The following LRRK1 variants were observed in gnomAD, a reference collection of about 807,000 sequenced individuals.
LRRK1 encodes the protein leucine rich repeat kinase 1, also known as leucine-rich repeat serine/threonine-protein kinase 1.
Under a neutral mutation model 209.1 loss-of-function variants are expected in LRRK1, and 113 were observed. The observed-to-expected ratio is 0.54, with a 90% CI of 0.46 to 0.63. LRRK1 has a LOEUF of 0.63. Among genes scored for constraint, LRRK1 ranks in the 30% least tolerant of loss-of-function variants. LRRK1 has a pLI of 0.00. For missense variants in LRRK1, 2,284 were observed against 2,632.2 expected (o/e 0.87, Z 2.89); for synonymous variants, 1,144 against 1,099.7 (o/e 1.04, Z -0.80).
chr15:101,064,877 T>TGGG lies in LRRK1; in HGVS notation c.4915-469_4915-467dup, dbSNP rs3840841. On this transcript the variant is annotated intron_variant, in intron 31 of 33. Coordinates refer to ENST00000388948, the MANE Select transcript of LRRK1 (RefSeq NM_024652.6). ...CATCCTTATGGAACACTCTGCCTGG[T>TGGG]GGGGGGGGTGGCAGGCAGGGGGCAG... is the stretch of plus-strand genomic sequence containing the variant. 2.2e-3 allele frequency: 361 copies of TGGG among 161,276 alleles called. 2 individuals carry two copies. Among genetic ancestry groups the TGGG allele is most frequent in the Admixed American group, 1.0e-2 (172 of 17,224 alleles). 10.0% of individuals were successfully genotyped at this position (161,276 alleles called of 1,614,324 possible).
chr15:101,051,712 CCT>C lies in LRRK1; in HGVS notation c.3442_3443del (p.Leu1148AspfsTer32). On this transcript the variant is annotated frameshift_variant and splice_region_variant, in exon 24 of 34. Coordinates refer to ENST00000388948, the MANE Select transcript of LRRK1 (RefSeq NM_024652.6). LOFTEE classifies it high-confidence loss of function. Reference protein sequence around the residue: ...NSLIDQWFPALTATESDGTPL... With the variant: ...NSLIDQWFPAXTATESDGTPL... ...GTCTCCTGCTCTGTCCTTATTTAGC[CCT>C]GACAGCCACAGAGAGCGACGGGACG... The C allele has an allele frequency of 6.2e-7, 1 of 1,613,496 alleles. No homozygotes were observed. Among genetic ancestry groups the C allele is most frequent in the African/African-American group, 1.3e-5 (1 of 75,034 alleles).
At position 101,054,857 on chromosome 15, in the gene LRRK1, G is replaced by A. The variant is rs777986104; in HGVS notation, c.4055-89G>A. The A allele has an allele frequency of 9.6e-6, 11 of 1,145,934 alleles. No homozygotes were observed. The South Asian group carries it at 1.2e-4, about 13-fold the overall frequency. 71.0% of individuals were successfully genotyped at this position (1,145,934 alleles called of 1,614,324 possible). A position where few individuals can be genotyped will look rare whatever the true frequency, so the allele number is the denominator to read the frequency against. On this transcript the variant is annotated intron_variant, in intron 26 of 33. Transcript: ENST00000388948. ...AAATCATAAAGTATCTAGGGAGATC[G>A]GAAGACAAAAAGACAGTTGTTATCA... is the stretch of plus-strand genomic sequence containing the variant.
intron 13 of LRRK1, 87 bp from the exon 14 acceptor site, chr15:101,021,758 C>T (rs1419106256): frequency 5.3e-6 from 5 of 936,676 alleles, no homozygotes; most frequent in Non-Finnish European, 8.3e-6. Context: ...CAGAGGCTGA[C>T]AGGAGCCACG....
chr15:101,066,853 A>G, intron 33 of LRRK1, 112 bp downstream of exon 33: 2 of 971,706 alleles, frequency 2.1e-6, no homozygotes, highest in Non-Finnish European at 3.2e-6. Flanking sequence ...CCCAAATAGC[A>G]TAGCCACTAA....
intron 20 of LRRK1, among the ~76,000 whole-genome samples, chr15:101,033,642 G>T (rs554270715): frequency 1.3e-5 from 2 of 152,144 alleles, no homozygotes; most frequent in South Asian, 4.2e-4. Context: ...TTGTGTATAT[G>T]GACCTTTCTT....
rs2141144473 is a variant in LRRK1, at chr15:101,057,010, A to G, written c.4487A>G (p.Gln1496Arg). 1 of 1,613,538 alleles carries G rather than the reference A, an allele frequency of 6.2e-7. No individual in the cohort carries two copies. The highest frequency in any genetic ancestry group is 2.2e-5 in the East Asian group (1 of 44,846). ...QPEEVQFRRL[Q>R]ALMMECWDTK... Reference sequence around the variant, plus strand: ...GAGGAAGTGCAGTTCCGGCGACTGCAGGCGCTCATGATGGAGTGCTGGGAC... The same window carrying G: ...GAGGAAGTGCAGTTCCGGCGACTGCGGGCGCTCATGATGGAGTGCTGGGAC... The change falls in exon 28 of 34, where the codon CAG becomes CGG. Residue 1496 changes from glutamine (Q) to arginine (R), a missense_variant. Coordinates refer to ENST00000388948, the MANE Select transcript of LRRK1 (RefSeq NM_024652.6).
chr15:100,961,707 G>A (rs1467697345), intron 2 of LRRK1, among the ~76,000 whole-genome samples: 1 of 151,672 alleles, frequency 6.6e-6, no homozygotes. Context: ...AGCAGAGGAT[G>A]AGCTTTGATG....
At chr15:101,028,143 C>G (rs371332360) in intron 19 of LRRK1, among the ~76,000 whole-genome samples, 2 of 152,184 alleles carry the variant, frequency 1.3e-5, no homozygotes, top group African/African-American at 4.8e-5. Flanking sequence ...AAAGTCACCG[C>G]GATCACTGAA....
At chr15:100,962,810 T>TAC (rs2030108747) in intron 2 of LRRK1, among the ~76,000 whole-genome samples, 4 of 30,218 alleles carry the variant, frequency 1.3e-4, no homozygotes, top group African/African-American at 4.2e-4. Flanking sequence ...TATATATATA[T>TAC]ATATATATAT....
At position 101,061,333 on chromosome 15, in the gene LRRK1, ACTGGGTGCAGCC is replaced by A. The variant is rs1200731529; in HGVS notation, c.4797+53_4797+64del. 6.5e-6 allele frequency: 9 copies of A among 1,375,228 alleles called. No individual in the cohort carries two copies. In the African/African-American group the frequency reaches 8.5e-5, roughly 13 times the overall value. 85.2% of individuals were successfully genotyped at this position (1,375,228 alleles called of 1,614,324 possible). A position where few individuals can be genotyped will look rare whatever the true frequency, so the allele number is the denominator to read the frequency against. ...CTGCCCACCGAGGTAAGCACTGCCC[ACTGGGTGCAGCC>A]CTGGGTGGGGGCCACATTCATAAAA... On this transcript the variant is annotated intron_variant, in intron 30 of 33. Coordinates refer to ENST00000388948, the MANE Select transcript of LRRK1 (RefSeq NM_024652.6).
At chr15:101,014,560 A>G in intron 11 of LRRK1, 132 bp downstream of exon 11, 1 of 677,666 alleles carries the variant, frequency 1.5e-6, no homozygotes, top group Non-Finnish European at 2.6e-6. Flanking sequence ...AACAACAGAA[A>G]TCACTGCCTC....
chr15:100,991,569 C>G (rs1011896105), intron 6 of LRRK1, among the ~76,000 whole-genome samples: 8 of 152,096 alleles, frequency 5.3e-5, no homozygotes, highest in Non-Finnish European at 1.0e-4. Context: ...TCTGTTTTAT[C>G]CAGTTCCTTT....
At position 101,062,683 on chromosome 15, in the gene LRRK1, T is replaced by C. The variant is rs932536919; in HGVS notation, c.4907T>C (p.Ile1636Thr). The change falls in exon 31 of 34, where the codon ATT becomes ACT. Residue 1636 changes from isoleucine (I) to threonine (T), a missense_variant. Ile to Thr is a moderately conservative substitution (Grantham distance 89). Around this residue, in one of 6 missense-constraint regions of LRRK1, gnomAD observed 643 missense variants for 695.9 expected, o/e 0.92. Transcript: ENST00000388948. The stretch of plus-strand genomic sequence containing the variant: ...ACCTGCTTCTTGGCCGTGCCTGTTA[T>C]TAAAAAGGTGAGGTCGGGGCAAAGG... ...VVTCFLAVPV[I>T]KKNSYLVLAG... is the part of the protein sequence containing the mutation. The C allele has an allele frequency of 1.9e-6, 3 of 1,612,062 alleles. No homozygotes were observed. In the African/African-American group the frequency reaches 4.0e-5, roughly 22 times the overall value.
At position 101,010,427 on chromosome 15, in the gene LRRK1, GCCTT is replaced by G; in HGVS notation, c.990-17_990-14del. Reference sequence around the variant, plus strand: ...GTTTTCCCTCTTTATTCTGATGCCTGCCTTCCTTCTTCTCCATCGCAGGCTACTT... The same window carrying G: ...GTTTTCCCTCTTTATTCTGATGCCTGCCTTCTTCTCCATCGCAGGCTACTT... On this transcript the variant is annotated intron_variant, in intron 7 of 33. Transcript: ENST00000388948. 6.3e-7 allele frequency: 1 copy of G among 1,597,846 alleles called. No individual in the cohort carries two copies. The highest frequency in any genetic ancestry group is 8.5e-7 in the Non-Finnish European group (1 of 1,175,088).
At position 101,070,438 on chromosome 15, in the gene LRRK1, A is replaced by G. The variant is rs1596370358; in HGVS notation, c.*1590A>G. ...CCCACAGCAGGGTCTCAGGAGTCCC[A>G]CTCTCCCTCTCCTCTCATTCCAGTG... On this transcript the variant is annotated 3_prime_UTR_variant, in exon 34 of 34. Transcript: ENST00000388948. The G allele has an allele frequency of 7.0e-6, 1 of 143,066 alleles. No individual in the cohort carries two copies. The highest frequency in any genetic ancestry group is 2.7e-5 in the African/African-American group (1 of 37,732). The allele number at this position is 143,066 out of a possible 1,614,324, so 8.9% of individuals were successfully genotyped here.
chr15:101,011,982 ATT>A, intron 9 of LRRK1, 24 bp from the exon 10 acceptor site: 1 of 1,517,402 alleles, frequency 6.6e-7, no homozygotes, highest in Non-Finnish European at 9.0e-7. Context: ...ACTAATATAC[ATT>A]TTTTTTTCTC....
intron 6 of LRRK1, among the ~76,000 whole-genome samples, chr15:101,000,256 C>T (rs2032621530): frequency 6.6e-6 from 1 of 152,218 alleles, no homozygotes; most frequent in African/African-American, 2.4e-5. Flanking sequence ...ATTTTTCTGT[C>T]ATTGTCATTA....
chr15:100,950,033 A>G (rs2042615437), intron 2 of LRRK1, among the ~76,000 whole-genome samples: 1 of 152,242 alleles, frequency 6.6e-6, no homozygotes, highest in Non-Finnish European at 1.5e-5. Flanking sequence ...AAGACAAGAA[A>G]AAGAAATGAA....
intron 6 of LRRK1, among the ~76,000 whole-genome samples, chr15:101,004,937 T>C (rs1283198455): frequency 6.6e-6 from 1 of 152,236 alleles, no homozygotes; most frequent in Non-Finnish European, 1.5e-5. Flanking sequence ...GAGTTTTATT[T>C]AAAGATTTTC....
Sources: allele counts gnomAD v4.1 joint callset (sites outside exome capture counted in the v4.1 genomes callset), GRCh38; gene constraint gnomAD v4.1.1; regional missense constraint gnomAD v4.1.1; transcripts MANE v1.5; gene names NCBI Gene and HGNC (gene_info 2026-07-23, HGNC 2026-07-21).